Variants in RFX6 observed in about 807,000 individuals in gnomAD.
RFX6 encodes DNA-binding protein RFX6.
RFX6 carries 50 observed loss-of-function variants against 110.8 expected under a neutral mutation model. The observed-to-expected ratio is 0.45, with a 90% CI of 0.36 to 0.57. The LOEUF is 0.57. Among genes scored for constraint, RFX6 ranks in the 20% least tolerant of loss-of-function variants. The pLI, the probability that RFX6 is intolerant of heterozygous loss-of-function variation, is 0.00. For synonymous variants in RFX6, 383 were observed against 411.2 expected, an observed-to-expected ratio of 0.93 and a Z score of 0.83; for missense variants, 990 against 1,127.0, an observed-to-expected ratio of 0.88 and a Z score of 1.74.
chr6:116,903,063 T>G (rs761638764), intron 6 of RFX6, among the ~76,000 whole-genome samples: 1 of 152,082 alleles, frequency 6.6e-6, no homozygotes, highest in Non-Finnish European at 1.5e-5. Flanking sequence ...AGCTGGCCTA[T>G]GATCTGGCAC....
chr6:116,925,715 C>T (rs2114702477), intron 16 of RFX6, 56 bp downstream of exon 16: 1 of 1,252,404 alleles, frequency 8.0e-7, no homozygotes, highest in East Asian at 2.4e-5. Context: ...CCTGTTGCTT[C>T]ATTTTTCTTA....
chr6:116,900,316 C>T (rs954455898), intron 6 of RFX6, among the ~76,000 whole-genome samples: 4 of 151,920 alleles, frequency 2.6e-5, no homozygotes, highest in African/African-American at 9.7e-5. Context: ...AGTGCAGTGG[C>T]GTGATATGGC....
chr6:116,915,596 G>A (rs1484859215), intron 7 of RFX6, among the ~76,000 whole-genome samples: 1 of 151,736 alleles, frequency 6.6e-6, no homozygotes, highest in Admixed American at 6.6e-5. Flanking sequence ...GTGAAGATTT[G>A]ATGTATTTTA....
At chr6:116,893,350 C>G (rs759330896) in intron 4 of RFX6, among the ~76,000 whole-genome samples, 24 of 152,280 alleles carry the variant, frequency 1.6e-4, no homozygotes, top group Non-Finnish European at 2.8e-4. Context: ...AGTTGCTATA[C>G]TTGTATTGTG....
intron 3 of RFX6, among the ~76,000 whole-genome samples, chr6:116,881,394 A>T (rs1774587578): frequency 6.6e-6 from 1 of 152,048 alleles, no homozygotes; most frequent in Non-Finnish European, 1.5e-5. Context: ...CACAAATTGA[A>T]ATCCAGATTC....
chr6:116,931,240 A>G (rs1582542158), intron 18 of RFX6, 91 bp from the exon 19 acceptor site: 1 of 969,532 alleles, frequency 1.0e-6, no homozygotes, highest in East Asian at 2.4e-5. Context: ...CTAAGTGCAA[A>G]AATAAATACA....
intron 17 of RFX6, among the ~76,000 whole-genome samples, 175 bp from the exon 18 acceptor site, chr6:116,928,584 A>G (rs1211143412): frequency 6.6e-6 from 1 of 152,252 alleles, no homozygotes; most frequent in African/African-American, 2.4e-5. Flanking sequence ...AAAACAGCAC[A>G]GTAAACCTTA....
In RFX6 at chr6:116,902,436, T is replaced by C. The variant is rs576038770; in HGVS notation, c.672+7229T>C. ...ATGGTAAGAGCGTTACTACTTAGTA[T>C]TAATAATTGTTACTGTTTTAAAATT... On this transcript the variant is annotated intron_variant, in intron 6 of 18. Coordinates refer to ENST00000332958, the MANE Select transcript of RFX6 (RefSeq NM_173560.4). Among the ~76,000 whole-genome samples the C allele has an allele frequency of 3.3e-5, 5 of 152,192 alleles. No homozygotes were observed. In the East Asian group the frequency reaches 9.6e-4, roughly 29 times the overall value.
rs530325352 is a variant in RFX6 at position 116,928,761 on chromosome 6, T to C, written c.2401T>C (p.Tyr801His). 2 of 1,608,034 alleles carry C rather than the reference T, an allele frequency of 1.2e-6. No individual in the cohort carries two copies. Among genetic ancestry groups the C allele is most frequent in the South Asian group, 1.1e-5 (1 of 90,974 alleles). The change falls in exon 18 of 19, where the codon TAC becomes CAC. Residue 801 changes from tyrosine (Y) to histidine (H), a missense_variant and splice_region_variant. Coordinates refer to ENST00000332958, the MANE Select transcript of RFX6 (RefSeq NM_173560.4). ...ATTCTCAACATTTTCTGTTACAGGA[T>C]ACTATGGAAGCAACATAAACTACCC... ...ATLPPNSPNG[Y>H]YGSNINYPES...
intron 6 of RFX6, among the ~76,000 whole-genome samples, chr6:116,905,689 C>T (rs1208409724): frequency 6.6e-6 from 1 of 151,774 alleles, no homozygotes; most frequent in Non-Finnish European, 1.5e-5. Context: ...GGAGCTGGGA[C>T]TGCAGGCGTG....
At position 116,927,015 on chromosome 6, in the gene RFX6, G is replaced by A. The variant is rs1562148736; in HGVS notation, c.1886-12G>A. On this transcript the variant is annotated splice_polypyrimidine_tract_variant and intron_variant, in intron 16 of 18. Coordinates refer to ENST00000332958, the MANE Select transcript of RFX6 (RefSeq NM_173560.4). ...TATGACACTAAAGGAATGTTCTGGT[G>A]ATTTTTTCCAGGTCAAATGGAGCTT... 1.2e-6 allele frequency: 2 copies of A among 1,611,886 alleles called. No homozygotes were observed. The highest frequency in any genetic ancestry group is 4.5e-5 in the East Asian group (2 of 44,874).
intron 3 of RFX6, 151 bp downstream of exon 3, chr6:116,880,818 T>C (rs142041542): frequency 2.5e-6 from 2 of 803,514 alleles, no homozygotes; most frequent in Admixed American, 2.2e-5. Flanking sequence ...TGTTTGGAAT[T>C]GCTATATGTT....
Position 116,882,381 on chromosome 6 carries a change from G to C in RFX6, c.519G>C (p.Lys173Asn). The C allele has an allele frequency of 1.2e-6, 2 of 1,612,788 alleles. No homozygotes were observed. The highest frequency in any genetic ancestry group is 1.7e-6 in the Non-Finnish European group (2 of 1,178,992). ...AATFGKTIRQ[K>N]FPLLTTRRLG... ...TTTCTTTTTAGACAATTCGCCAGAA[G>C]TTTCCCCTCCTAACAACAAGGCGGC... The change falls in exon 4 of 19, where the codon AAG (lysine) becomes AAC (asparagine). Residue 173 changes from lysine (K) to asparagine (N), a missense_variant. Lys to Asn is a moderately conservative substitution (Grantham distance 94). Around this residue, in one of 5 missense-constraint regions of RFX6, gnomAD observed 243 missense variants for 353.1 expected, o/e 0.69. Coordinates refer to ENST00000332958, the MANE Select transcript of RFX6 (RefSeq NM_173560.4).
At chr6:116,909,558 T>A (rs6568967) in intron 6 of RFX6, among the ~76,000 whole-genome samples, 51,653 of 151,140 alleles carry the variant, frequency 0.34, 9,188 homozygotes, top group African/African-American at 0.43. Context: ...GATAGATTAA[T>A]AAATAGAGTG....
chr6:116,887,883 AG>A (rs1288671636), intron 4 of RFX6, among the ~76,000 whole-genome samples: 1 of 152,214 alleles, frequency 6.6e-6, no homozygotes, highest in African/African-American at 2.4e-5. Flanking sequence ...GGCTAAGTAA[AG>A]GAGAACATAA....
intron 18 of RFX6, among the ~76,000 whole-genome samples, chr6:116,929,519 T>G (rs932445876): frequency 2.0e-5 from 3 of 152,112 alleles, no homozygotes; most frequent in Non-Finnish European, 2.9e-5. Flanking sequence ...CTCTAACATA[T>G]CATGTAAGTA....
chr6:116,924,433 C>T (rs1775665461), intron 14 of RFX6, among the ~76,000 whole-genome samples: 1 of 152,158 alleles, frequency 6.6e-6, no homozygotes, highest in Non-Finnish European at 1.5e-5. Context: ...GCTGGCAGGA[C>T]AGTACACACA....
At chr6:116,898,629 G>A (rs1775000866) in intron 6 of RFX6, among the ~76,000 whole-genome samples, 1 of 152,206 alleles carries the variant, frequency 6.6e-6, no homozygotes, top group African/African-American at 2.4e-5. Context: ...GGAGGTCAGT[G>A]TAGAGGAATT....
intron 6 of RFX6, among the ~76,000 whole-genome samples, chr6:116,896,083 G>A (rs371137046): frequency 2.0e-5 from 3 of 152,140 alleles, no homozygotes. Context: ...ATAAACAATT[G>A]TGAAACTGCA....
Sources: gnomAD v4.1 joint callset for allele counts (sites outside exome capture counted in the v4.1 genomes callset) on GRCh38, gnomAD v4.1.1 for gene constraint, gnomAD v4.1.1 regional missense constraint, MANE v1.5 for transcripts, NCBI Gene and HGNC (gene_info 2026-07-23, HGNC 2026-07-21) for gene names.